SH3BP5L: variants seen among roughly 807,000 people sequenced by gnomAD.
The protein encoded by SH3BP5L is SH3 binding domain protein 5 like, also known as SH3 domain-binding protein 5-like.
In SH3BP5L, 16 loss-of-function variants were observed where a neutral mutation model predicts 40.9. The ratio of observed to expected loss-of-function variants is 0.39; its 90% CI spans 0.27 to 0.59. The LOEUF (loss-of-function observed/expected upper bound fraction) is 0.59, where lower values mean the gene tolerates loss of function less well. SH3BP5L is among the 20% of genes least tolerant of loss of function. SH3BP5L has a pLI of 0.53. For synonymous variants in SH3BP5L, 229 were observed against 226.7 expected (o/e 1.01, Z -0.09); for missense variants, 471 against 544.6 (o/e 0.86, Z 1.35).
In SH3BP5L at chr1:248,818,255, C is replaced by T. The variant is rs544687778; in HGVS notation, c.184-1371G>A. Among the ~76,000 whole-genome samples the T allele has an allele frequency of 5.3e-5, 8 of 151,734 alleles. No homozygotes were observed. The South Asian group carries it at 6.2e-4, about 12-fold the overall frequency. ...CCCAGCTACTTGGGAGGCCGAGGCA[C>T]GAAAATGGCTTGAACCCGGGGGGCA... On this transcript the variant is annotated intron_variant, in intron 2 of 6. Coordinates refer to ENST00000366472, the MANE Select transcript of SH3BP5L (RefSeq NM_030645.3).
rs1450904817 is a variant in SH3BP5L at position 248,813,154 on chromosome 1, C to T, written c.546G>A (p.Glu182=). ...MLNHATCKVN[E]AEEERLRGER... ...CACCTCGAAGCCGCTCTTCCTCCGC[C>T]TCATTCACCTGGCCCAGAGGACACA... The change falls in exon 6 of 7, where the codon GAG becomes GAA. Residue 182 remains glutamate, a synonymous_variant. Transcript: ENST00000366472. The T allele has an allele frequency of 6.3e-7, 1 of 1,586,580 alleles. No individual in the cohort carries two copies. Among genetic ancestry groups the T allele is most frequent in the Non-Finnish European group, 8.6e-7 (1 of 1,166,006 alleles).
chr1:248,812,401 C>T lies in SH3BP5L; in HGVS notation c.712-31G>A. On this transcript the variant is annotated intron_variant, in intron 6 of 6. Coordinates refer to ENST00000366472, the MANE Select transcript of SH3BP5L (RefSeq NM_030645.3). The surrounding 1 kb of genome is among the most constrained non-coding windows in gnomAD (Gnocchi z 6.1). ...GAGGGCAGAGCAGAGCAAGGCGACCCATGGGGCACGTCTCCACCTTCCTCA... is the reference window on the plus strand; with the variant it reads ...GAGGGCAGAGCAGAGCAAGGCGACCTATGGGGCACGTCTCCACCTTCCTCA... 6.4e-7 allele frequency: 1 copy of T among 1,564,482 alleles called. No homozygotes were observed.
intron 4 of SH3BP5L, chr1:248,814,858 A>C: frequency 1.6e-6 from 1 of 626,312 alleles, no homozygotes; most frequent in Non-Finnish European, 3.0e-6. Flanking sequence ...AGCACTCCCA[A>C]AGGCTGCTAG....
At position 248,813,142 on chromosome 1, in the gene SH3BP5L, C is replaced by T. The variant is rs1402864404; in HGVS notation, c.558G>A (p.Glu186=). ...ATCKVNEAEE[E]RLRGEREHQR... ...GGTGCTCCCGCTCACCTCGAAGCCG[C>T]TCTTCCTCCGCCTCATTCACCTGGC... is the stretch of plus-strand genomic sequence containing the variant. The change falls in exon 6 of 7, where the codon GAG becomes GAA. Residue 186 remains glutamate (E), a synonymous_variant. Transcript: ENST00000366472. 3.8e-6 allele frequency: 6 copies of T among 1,599,478 alleles called. No homozygotes were observed. The South Asian group carries it at 6.7e-5, about 18-fold the overall frequency.
rs767602867 is a variant in SH3BP5L, at chr1:248,813,104, C to A, written c.596G>T (p.Arg199Leu). The change falls in exon 6 of 7, where the codon CGG (arginine) becomes CTG (leucine). Residue 199 changes from arginine (R) to leucine (L), a missense_variant. Transcript: ENST00000366472. Reference protein sequence around the residue: ...RGEREHQRVTRLCQQAEARVQ... With the variant: ...RGEREHQRVTLLCQQAEARVQ... ...CCGAGCCTCAGCCTGTTGGCACAGC[C>A]GAGTCACTCGCTGGTGCTCCCGCTC... The A allele has an allele frequency of 6.2e-7, 1 of 1,611,468 alleles. No individual in the cohort carries two copies. Among genetic ancestry groups the A allele is most frequent in the Non-Finnish European group, 8.5e-7 (1 of 1,178,642 alleles).
At position 248,825,865 on chromosome 1, in the gene SH3BP5L, T is replaced by C. The variant is rs114644422; in HGVS notation, c.-462A>G. ...TTTACCTTCCCGTCCGCGGAGCTTC[T>C]ATGCTGCAAACAATCTCCCCCCCTC... On this transcript the variant is annotated 5_prime_UTR_variant, in exon 1 of 7. The change creates a new upstream start codon in the 5' untranslated region. Coordinates refer to ENST00000366472, the MANE Select transcript of SH3BP5L (RefSeq NM_030645.3). 8.9e-3 allele frequency: 8,669 copies of C among 976,646 alleles called. 48 individuals carry two copies. Among genetic ancestry groups the C allele is most frequent in the Non-Finnish European group, 9.9e-3 (8,175 of 827,074 alleles). The allele number at this position is 976,646 out of a possible 1,614,324, so 60.5% of individuals were successfully genotyped here.
rs1229458951 is a variant in SH3BP5L at position 248,812,005 on chromosome 1, G to A, written c.1077C>T (p.Asp359=). The A allele has an allele frequency of 6.2e-7, 1 of 1,609,824 alleles. No homozygotes were observed. The highest frequency in any genetic ancestry group is 8.5e-7 in the Non-Finnish European group (1 of 1,178,852). Residue 359 remains aspartate, a synonymous_variant, in exon 7 of 7, where the codon GAC becomes GAT. Coordinates refer to ENST00000366472, the MANE Select transcript of SH3BP5L (RefSeq NM_030645.3). The surrounding 1 kb of genome is among the most constrained non-coding windows in gnomAD (Gnocchi z 6.1). ...DSVEHLRGLS[D]HVSLDGQELG... ...GCTCTTGGCCGTCCAGACTGACGTG[G>A]TCCGAGAGGCCTCGCAAGTGCTCCA...
chr1:248,816,330 C>A, intron 4 of SH3BP5L: 2 of 574,320 alleles, frequency 3.5e-6, no homozygotes, highest in Non-Finnish European at 3.1e-6. Flanking sequence ...CACAGCCACC[C>A]TCACCATTTT....
chr1:248,819,702 CAAAAAAAAAAAA>C (rs34840808), intron 2 of SH3BP5L, among the ~76,000 whole-genome samples: 1 of 72,764 alleles, frequency 1.4e-5, no homozygotes, highest in African/African-American at 4.7e-5. Context: ...GACTCAGTCT[CAAAAAAAAAAAA>C]AAAAAAAAAA....
In SH3BP5L at chr1:248,825,881, T is replaced by TGGC; in HGVS notation, c.-479_-478insGCC. On this transcript the variant is annotated 5_prime_UTR_variant, in exon 1 of 7. Transcript: ENST00000366472. ...CGGAGCTTCTATGCTGCAAACAATC[T>TGGC]CCCCCCCTCCCTCCCCGCAACAAGC... is the stretch of plus-strand genomic sequence containing the variant. 5.3e-6 allele frequency: 5 copies of TGGC among 941,854 alleles called. No individual in the cohort carries two copies. The highest frequency in any genetic ancestry group is 6.3e-6 in the Non-Finnish European group (5 of 794,206). The allele number at this position is 941,854 out of a possible 1,614,324, so 58.3% of individuals were successfully genotyped here. A position where few individuals can be genotyped will look rare whatever the true frequency, so the allele number is the denominator to read the frequency against.
intron 4 of SH3BP5L, among the ~76,000 whole-genome samples, chr1:248,815,420 G>A (rs1011384621): frequency 4.6e-5 from 7 of 152,136 alleles, no homozygotes; most frequent in South Asian, 2.1e-4. Context: ...ACAAGGACAC[G>A]AAATATGATT....
intron 4 of SH3BP5L, among the ~76,000 whole-genome samples, chr1:248,815,358 T>TAATA (rs1244923750): frequency 1.3e-5 from 2 of 152,204 alleles, no homozygotes; most frequent in African/African-American, 4.8e-5. Context: ...GTCATAATGC[T>TAATA]AATAAAAGAA....
Position 248,811,790 on chromosome 1 carries a change from G to A in SH3BP5L, c.*110C>T, listed in dbSNP as rs1165242417. 1.1e-5 allele frequency: 9 copies of A among 840,024 alleles called. No individual in the cohort carries two copies. The highest frequency in any genetic ancestry group is 1.6e-5 in the Non-Finnish European group (9 of 557,056). 52.0% of individuals were successfully genotyped at this position (840,024 alleles called of 1,614,324 possible). ...GCTGGCCTCTCCCAGGGAAGCACTG[G>A]AGAAGGGGACCTTCGGGAAGACGAG... On this transcript the variant is annotated 3_prime_UTR_variant, in exon 7 of 7. Transcript: ENST00000366472.
In SH3BP5L at chr1:248,824,854, G is replaced by A. The variant is rs766944133; in HGVS notation, c.82C>T (p.Pro28Ser). The A allele has an allele frequency of 3.1e-6, 5 of 1,614,106 alleles. No homozygotes were observed. In the East Asian group the frequency reaches 1.1e-4, roughly 36 times the overall value. The change falls in exon 2 of 7, where the codon CCT becomes TCT. Residue 28 changes from proline (P) to serine (S), a missense_variant. Pro to Ser is a moderately conservative substitution (Grantham distance 74). This residue lies in a region of SH3BP5L where 275 missense variants were observed against 370.1 expected (regional missense o/e 0.74). Coordinates refer to ENST00000366472, the MANE Select transcript of SH3BP5L (RefSeq NM_030645.3). The stretch of plus-strand genomic sequence containing the variant: ...GGCTCTTCTGCGACTGGGCTCCTAG[G>A]GACTTCATCCTCTACAACTTCAGGC... ...LRPEVVEDEVPRSPVAEEPGG... is the reference protein window; with the variant it reads ...LRPEVVEDEVSRSPVAEEPGG...
At chr1:248,816,917 T>C in intron 2 of SH3BP5L, 33 bp from the exon 3 acceptor site, 1 of 1,613,530 alleles carries the variant, frequency 6.2e-7, no homozygotes. Context: ...ATTAGTGCAG[T>C]GGAAGGAAGT....
chr1:248,819,028 C>T (rs1195393000), intron 2 of SH3BP5L, among the ~76,000 whole-genome samples: 1 of 152,186 alleles, frequency 6.6e-6, no homozygotes, highest in Admixed American at 6.5e-5. Context: ...CTTTCAGCAA[C>T]CCAGTGAGGG....
chr1:248,813,956 C>A (rs1265874109), intron 5 of SH3BP5L: 4 of 174,892 alleles, frequency 2.3e-5, no homozygotes, highest in Admixed American at 1.7e-4. Flanking sequence ...GTTGCTGACA[C>A]CTGCCCTGTG....
Position 248,815,167 on chromosome 1 carries a change from C to T in SH3BP5L, c.376-557G>A, listed in dbSNP as rs2103014049. Among the ~76,000 whole-genome samples the T allele has an allele frequency of 1.3e-5, 2 of 152,302 alleles. 1 individual carries two copies. Among genetic ancestry groups the T allele is most frequent in the South Asian group, 4.1e-4 (2 of 4,826 alleles). ...TGGCTTCTGCCTGTGAGCCCATCTACTTGTGAGGCTGAGGGAGGAGGATTA... is the reference window on the plus strand; with the variant it reads ...TGGCTTCTGCCTGTGAGCCCATCTATTTGTGAGGCTGAGGGAGGAGGATTA... On this transcript the variant is annotated intron_variant, in intron 4 of 6. Transcript: ENST00000366472.
In SH3BP5L at chr1:248,811,926, G is replaced by A. The variant is rs1224406799; in HGVS notation, c.1156C>T (p.Arg386Trp). The A allele has an allele frequency of 9.1e-6, 14 of 1,544,408 alleles. No homozygotes were observed. The highest frequency in any genetic ancestry group is 2.1e-4 in the Middle Eastern group (1 of 4,772). The change falls in exon 7 of 7, where the codon CGG becomes TGG. Residue 386 changes from arginine to tryptophan, a missense_variant. Arg to Trp is a moderately radical substitution (Grantham distance 101, BLOSUM62 -3). Around this residue, in one of 2 missense-constraint regions of SH3BP5L, gnomAD observed 196 missense variants for 174.6 expected, o/e 1.12. Coordinates refer to ENST00000366472, the MANE Select transcript of SH3BP5L (RefSeq NM_030645.3). ...TACAGGCTGACGCTGCGCTGGTGCC[G>A]ACCCCCACGGGCTCCGCCGTCGCTG... is the stretch of plus-strand genomic sequence containing the variant. ...RGSDGGARGG[R>W]HQRSVSL
Sources: allele counts gnomAD v4.1 joint callset (sites outside exome capture counted in the v4.1 genomes callset), GRCh38; gene constraint gnomAD v4.1.1; regional missense constraint gnomAD v4.1.1; non-coding constraint Gnocchi (gnomAD v3.1); transcripts MANE v1.5; gene names NCBI Gene and HGNC (gene_info 2026-07-23, HGNC 2026-07-21).